The following TASP1 variants were observed in gnomAD, a reference collection of about 807,000 sequenced individuals.
TASP1 encodes the protein taspase 1, also known as threonine aspartase 1.
TASP1 carries 16 observed loss-of-function variants against 56.6 expected under a neutral mutation model. The observed-to-expected ratio is 0.28, with a 90% CI of 0.19 to 0.43. TASP1 has a LOEUF of 0.43. Ranked by LOEUF, TASP1 falls within the 20% of genes least tolerant of loss-of-function variation. The pLI, the probability that TASP1 is intolerant of heterozygous loss-of-function variation, is 1.00. For synonymous variants in TASP1, 179 were observed against 184.2 expected, an observed-to-expected ratio of 0.97 and a Z score of 0.23; for missense variants, 393 against 511.6, an observed-to-expected ratio of 0.77 and a Z score of 2.24.
chr20:13,421,696 T>C (rs1455246530), intron 12 of TASP1, among the ~76,000 whole-genome samples: 1 of 152,142 alleles, frequency 6.6e-6, no homozygotes, highest in East Asian at 1.9e-4. Context: ...ATCAAAAAGT[T>C]TGAAACAACA....
chr20:13,132,492 C>A, the TASP1 span, among the ~76,000 whole-genome samples: 166 of 152,152 alleles, frequency 1.1e-3, no homozygotes, highest in Non-Finnish European at 1.7e-3. Context: ...ATCTTTACAG[C>A]ATTTATGAAT....
chr20:13,410,300 G>C (rs889097618), intron 13 of TASP1, among the ~76,000 whole-genome samples: 4 of 152,152 alleles, frequency 2.6e-5, no homozygotes, highest in Non-Finnish European at 4.4e-5. Context: ...GTACAGCACA[G>C]GTATCCCTTT....
the TASP1 span, among the ~76,000 whole-genome samples, chr20:13,118,537 C>T: frequency 6.7e-6 from 1 of 149,946 alleles, no homozygotes; most frequent in Non-Finnish European, 1.5e-5. Context: ...AATATTCAAA[C>T]CTGGGTTTGA....
chr20:13,354,658 G>A, the TASP1 span, among the ~76,000 whole-genome samples: 1 of 152,072 alleles, frequency 6.6e-6, no homozygotes, highest in Non-Finnish European at 1.5e-5. Flanking sequence ...AGGAAAAAGT[G>A]CGCCAAGAAA....
At chr20:13,180,674 A>G in the TASP1 span, among the ~76,000 whole-genome samples, 1 of 152,220 alleles carries the variant, frequency 6.6e-6, no homozygotes, top group Non-Finnish European at 1.5e-5. Context: ...ATACAAAGGC[A>G]TAAATCGCCA....
chr20:13,342,862 C>T, the TASP1 span, among the ~76,000 whole-genome samples: 3 of 152,126 alleles, frequency 2.0e-5, no homozygotes, highest in Non-Finnish European at 2.9e-5. Flanking sequence ...GGTCCTTATC[C>T]AGCTCCGGTC....
rs971520454 is a variant in TASP1, at chr20:13,419,267, T to C, written c.1097-1746A>G. On this transcript the variant is annotated intron_variant, in intron 12 of 13. Coordinates refer to ENST00000337743, the MANE Select transcript of TASP1 (RefSeq NM_017714.3). Reference sequence around the variant, plus strand: ...AAATGCACTTATTTGTTTGTGTGTATGTGTGTGTGCATGTGCATGCTCGTG... The same window carrying C: ...AAATGCACTTATTTGTTTGTGTGTACGTGTGTGTGCATGTGCATGCTCGTG... Among the ~76,000 whole-genome samples the C allele has an allele frequency of 3.3e-5, 5 of 152,102 alleles. No individual in the cohort carries two copies. The East Asian group carries it at 5.8e-4, about 18-fold the overall frequency.
chr20:13,345,674 G>T, the TASP1 span, among the ~76,000 whole-genome samples: 204 of 152,242 alleles, frequency 1.3e-3, no homozygotes, highest in African/African-American at 4.6e-3. Flanking sequence ...CAGTGTCTCT[G>T]GAGAATGGCC....
At chr20:13,237,014 C>G in the TASP1 span, among the ~76,000 whole-genome samples, 1 of 152,218 alleles carries the variant, frequency 6.6e-6, no homozygotes, top group Admixed American at 6.5e-5. Flanking sequence ...CTTCTCACAG[C>G]TCCACTAGGC....
At chr20:13,342,237 G>A in the TASP1 span, among the ~76,000 whole-genome samples, 1 of 152,186 alleles carries the variant, frequency 6.6e-6, no homozygotes, top group Non-Finnish European at 1.5e-5. Context: ...AAGCCAGACA[G>A]AGTTTGTTTT....
At chr20:13,564,457 C>T (rs1216894107) in intron 7 of TASP1, among the ~76,000 whole-genome samples, 2 of 151,764 alleles carry the variant, frequency 1.3e-5, no homozygotes, top group African/African-American at 4.8e-5. Context: ...TGAAAAGACA[C>T]CCAGGTTCAT....
chr20:13,609,227 A>G (rs1371536968), intron 4 of TASP1, among the ~76,000 whole-genome samples: 2 of 152,206 alleles, frequency 1.3e-5, no homozygotes, highest in Non-Finnish European at 1.5e-5. Context: ...AATGAAAACC[A>G]AAACTACAAA....
chr20:13,489,233 T>A (rs2043433817), intron 10 of TASP1, among the ~76,000 whole-genome samples: 1 of 152,158 alleles, frequency 6.6e-6, no homozygotes, highest in Non-Finnish European at 1.5e-5. Context: ...ACCCTGCTGT[T>A]CCAGAAGGCT....
the TASP1 span, among the ~76,000 whole-genome samples, chr20:13,381,319 G>C: frequency 3.9e-5 from 6 of 152,184 alleles, no homozygotes; most frequent in African/African-American, 1.4e-4. Context: ...GCTTCCCTTG[G>C]CTAGGGAAGG....
intron 4 of TASP1, among the ~76,000 whole-genome samples, chr20:13,601,754 A>G (rs2047964482): frequency 6.6e-6 from 1 of 152,156 alleles, no homozygotes; most frequent in African/African-American, 2.4e-5. Flanking sequence ...GGCATGTGAT[A>G]CAAGTCAACA....
chr20:13,293,441 G>C, the TASP1 span, among the ~76,000 whole-genome samples: 12 of 151,632 alleles, frequency 7.9e-5, no homozygotes, highest in African/African-American at 2.7e-4. Context: ...CTACCCAAAA[G>C]TTCTTACTTA....
intron 13 of TASP1, among the ~76,000 whole-genome samples, chr20:13,401,859 G>C (rs1291316869): frequency 6.6e-6 from 1 of 152,176 alleles, no homozygotes; most frequent in Non-Finnish European, 1.5e-5. Context: ...TGGCTGGGAA[G>C]ATACATATTT....
intron 11 of TASP1, among the ~76,000 whole-genome samples, chr20:13,435,730 T>C (rs754107409): frequency 6.6e-6 from 1 of 152,194 alleles, no homozygotes; most frequent in Non-Finnish European, 1.5e-5. Flanking sequence ...ATTGTGAACA[T>C]TTCAAGAACA....
the TASP1 span, among the ~76,000 whole-genome samples, chr20:13,225,065 G>A: frequency 6.6e-6 from 1 of 150,682 alleles, no homozygotes; most frequent in Non-Finnish European, 1.5e-5. Context: ...GTGTTAGCCA[G>A]GATGGTCTCA....
Sources: gnomAD v4.1 joint callset for allele counts (sites outside exome capture counted in the v4.1 genomes callset) on GRCh38, gnomAD v4.1.1 for gene constraint, MANE v1.5 for transcripts, NCBI Gene and HGNC (gene_info 2026-07-23, HGNC 2026-07-21) for gene names.